The following LINGO2 variants were observed in gnomAD, a reference collection of about 807,000 sequenced individuals.
The protein encoded by LINGO2 is leucine rich repeat and Ig domain containing 2.
A neutral mutation model predicts 30.6 loss-of-function variants in LINGO2; 14 were observed. The observed-to-expected ratio is 0.46, with a 90% confidence interval of 0.30 to 0.72. LINGO2 has a LOEUF of 0.72. Among genes scored for constraint, LINGO2 ranks in the 30% least tolerant of loss-of-function variants. LINGO2 has a pLI of 0.07. For synonymous variants in LINGO2, 317 were observed against 288.5 expected, an observed-to-expected ratio of 1.10 and a Z score of -1.00; for missense variants, 729 against 751.7, an observed-to-expected ratio of 0.97 and a Z score of 0.35.
chr9:28,354,317 A>G (rs1022558085), intron 3 of LINGO2, among the ~76,000 whole-genome samples: 2 of 152,158 alleles, frequency 1.3e-5, no homozygotes, highest in African/African-American at 4.8e-5. Context: ...GCTTTATTTT[A>G]TGGTAATTAT....
intron 2 of LINGO2, among the ~76,000 whole-genome samples, chr9:28,453,745 G>T (rs1824737737): frequency 6.6e-6 from 1 of 152,008 alleles, no homozygotes; most frequent in East Asian, 1.9e-4. Flanking sequence ...TTTTGCTCAA[G>T]ATCTTTTTGG....
chr9:28,802,196 A>G, the LINGO2 span, among the ~76,000 whole-genome samples: 3 of 152,012 alleles, frequency 2.0e-5, no homozygotes, highest in African/African-American at 7.2e-5. Flanking sequence ...GCATATTTCC[A>G]ACAATTTGAA....
chr9:28,789,178 T>C, the LINGO2 span, among the ~76,000 whole-genome samples: 6 of 152,128 alleles, frequency 3.9e-5, no homozygotes, highest in African/African-American at 7.2e-5. Context: ...GTTTATGACA[T>C]TGGGCATGAG....
chr9:29,118,962 C>T, the LINGO2 span, among the ~76,000 whole-genome samples: 1 of 152,136 alleles, frequency 6.6e-6, no homozygotes, highest in Non-Finnish European at 1.5e-5. Flanking sequence ...GACTGCAGCC[C>T]CATTTTACCA....
At chr9:28,144,928 G>T (rs1334294944) in intron 4 of LINGO2, among the ~76,000 whole-genome samples, 1 of 152,180 alleles carries the variant, frequency 6.6e-6, no homozygotes, top group Non-Finnish European at 1.5e-5. Context: ...GTCTAGTGGG[G>T]TGGATATTTT....
At chr9:28,849,613 G>T in the LINGO2 span, among the ~76,000 whole-genome samples, 12 of 151,948 alleles carry the variant, frequency 7.9e-5, no homozygotes, top group Admixed American at 7.9e-4. Context: ...ATTTCTCTGA[G>T]GCCAAATAGC....
At chr9:29,055,619 A>T in the LINGO2 span, among the ~76,000 whole-genome samples, 8 of 152,006 alleles carry the variant, frequency 5.3e-5, no homozygotes, top group Non-Finnish European at 1.2e-4. Flanking sequence ...GGTTACACTG[A>T]TAAGTTCTTT....
intron 3 of LINGO2, among the ~76,000 whole-genome samples, chr9:28,301,385 A>G (rs1217125093): frequency 6.6e-6 from 1 of 151,956 alleles, no homozygotes; most frequent in African/African-American, 2.4e-5. Context: ...AACAAAAAAA[A>G]CAGAAACTTC....
intron 4 of LINGO2, among the ~76,000 whole-genome samples, chr9:28,155,010 A>C (rs565559124): frequency 1.3e-5 from 2 of 152,356 alleles, no homozygotes; most frequent in Admixed American, 1.3e-4. Flanking sequence ...TGTGAATTCT[A>C]GTCAGAAATT....
At chr9:28,016,834 C>CATT (rs1373350965) in intron 4 of LINGO2, among the ~76,000 whole-genome samples, 2 of 152,034 alleles carry the variant, frequency 1.3e-5, no homozygotes, top group African/African-American at 4.8e-5. Flanking sequence ...CTCCTCGACT[C>CATT]ATTCTATCAA....
chr9:28,026,164 T>A (rs1823366341), intron 4 of LINGO2, among the ~76,000 whole-genome samples: 1 of 152,216 alleles, frequency 6.6e-6, no homozygotes, highest in Non-Finnish European at 1.5e-5. Context: ...GAACTTCTGT[T>A]TATTCTGGTA....
At chr9:28,850,762 C>T in the LINGO2 span, among the ~76,000 whole-genome samples, 1 of 151,966 alleles carries the variant, frequency 6.6e-6, no homozygotes, top group Non-Finnish European at 1.5e-5. Context: ...ACCTACCCTA[C>T]TCTAATAGAA....
intron 1 of LINGO2, among the ~76,000 whole-genome samples, chr9:28,640,245 C>G (rs751322781): frequency 6.6e-6 from 1 of 152,002 alleles, no homozygotes; most frequent in Non-Finnish European, 1.5e-5. Context: ...TCTGTGGCTG[C>G]CCGTAACATT....
At chr9:28,211,402 A>G (rs997896958) in intron 4 of LINGO2, among the ~76,000 whole-genome samples, 2 of 151,146 alleles carry the variant, frequency 1.3e-5, no homozygotes, top group African/African-American at 2.4e-5. Flanking sequence ...AAGGGAGTAA[A>G]ATACACACAA....
chr9:28,134,529 A>G (rs1827462769), intron 4 of LINGO2, among the ~76,000 whole-genome samples: 1 of 152,226 alleles, frequency 6.6e-6, no homozygotes, highest in Non-Finnish European at 1.5e-5. Context: ...CCTGGGAGGA[A>G]GGGAGGGCAC....
chr9:28,582,687 A>G (rs1466456109), intron 1 of LINGO2, among the ~76,000 whole-genome samples: 1 of 152,098 alleles, frequency 6.6e-6, no homozygotes, highest in Non-Finnish European at 1.5e-5. Context: ...CAGACTTCCA[A>G]AAACTTCATA....
chr9:28,076,648 G>T (rs889875796), intron 4 of LINGO2, among the ~76,000 whole-genome samples: 16 of 151,674 alleles, frequency 1.1e-4, no homozygotes, highest in African/African-American at 2.4e-4. Flanking sequence ...GGAAGTTAAG[G>T]TCTTTTGCTG....
At chr9:29,134,174 C>T in the LINGO2 span, among the ~76,000 whole-genome samples, 1 of 151,958 alleles carries the variant, frequency 6.6e-6, no homozygotes, top group African/African-American at 2.4e-5. Context: ...TCTGTAAAAC[C>T]AAATAAAGCT....
At chr9:28,994,731 T>C in the LINGO2 span, among the ~76,000 whole-genome samples, 1 of 152,166 alleles carries the variant, frequency 6.6e-6, no homozygotes, top group Non-Finnish European at 1.5e-5. Context: ...TGCAACTATC[T>C]GATCTTTGAC....
Sources: allele counts gnomAD v4.1 joint callset (sites outside exome capture counted in the v4.1 genomes callset), GRCh38; gene constraint gnomAD v4.1.1; transcripts MANE v1.5; gene names NCBI Gene and HGNC (gene_info 2026-07-23, HGNC 2026-07-21).